NUDCD1: variants seen among roughly 807,000 people sequenced by gnomAD.
NUDCD1 encodes nudC domain-containing protein 1.
A neutral mutation model predicts 67.8 loss-of-function variants in NUDCD1; 60 were observed. The observed-to-expected ratio is 0.88, with a 90% CI of 0.72 to 1.10. NUDCD1 has a LOEUF of 1.10. NUDCD1 is among the 50% of genes least tolerant of loss of function. The pLI is 0.00. For missense variants in NUDCD1, 643 were observed against 695.0 expected (o/e 0.93, Z 0.84); for synonymous variants, 244 against 230.8 (o/e 1.06, Z -0.52).
At chr8:109,283,441 C>T (rs1014323269) in intron 5 of NUDCD1, among the ~76,000 whole-genome samples, 1 of 152,038 alleles carries the variant, frequency 6.6e-6, no homozygotes, top group African/African-American at 2.4e-5. Context: ...AAATCCAGAA[C>T]CCCTGAGAAA....
At chr8:109,268,283 A>G (rs1174229480) in intron 8 of NUDCD1, among the ~76,000 whole-genome samples, 4 of 152,052 alleles carry the variant, frequency 2.6e-5, no homozygotes, top group African/African-American at 4.8e-5. Flanking sequence ...ACTTTTTCCT[A>G]TAAGGAGCTA....
At chr8:109,285,132 A>G (rs1196409305) in intron 5 of NUDCD1, among the ~76,000 whole-genome samples, 3 of 152,160 alleles carry the variant, frequency 2.0e-5, no homozygotes, top group Non-Finnish European at 4.4e-5. Flanking sequence ...GAAACCTTGA[A>G]CAGACCAATA....
At chr8:109,279,297 T>C (rs1814373136) in intron 6 of NUDCD1, among the ~76,000 whole-genome samples, 1 of 152,184 alleles carries the variant, frequency 6.6e-6, no homozygotes, top group Non-Finnish European at 1.5e-5. Flanking sequence ...CTGTCAGTCT[T>C]CAAAGTTTTA....
intron 1 of NUDCD1, among the ~76,000 whole-genome samples, chr8:109,325,955 T>C (rs898204193): frequency 1.4e-4 from 22 of 152,252 alleles, no homozygotes; most frequent in African/African-American, 3.9e-4. Flanking sequence ...TTGATAGAGG[T>C]TGAGGAAACA....
chr8:109,293,422 CTAT>C lies in NUDCD1; in HGVS notation c.559_561del (p.Ile187del), dbSNP rs760564369. The C allele has an allele frequency of 1.3e-5, 21 of 1,588,866 alleles. No homozygotes were observed. The highest frequency in any genetic ancestry group is 1.8e-5 in the Non-Finnish European group (21 of 1,165,372). On this transcript the variant is annotated inframe_deletion, in exon 4 of 10. Transcript: ENST00000239690. ...CCTTTCATATCCAATTCCTCTTTCTCTATTCGAAGAAGTAGGGTAGCTATAGAA... is the reference window on the plus strand; with the variant it reads ...CCTTTCATATCCAATTCCTCTTTCTCTCGAAGAAGTAGGGTAGCTATAGAA...
At chr8:109,310,188 T>C (rs963105528) in intron 2 of NUDCD1, among the ~76,000 whole-genome samples, 18 of 152,038 alleles carry the variant, frequency 1.2e-4, no homozygotes, top group South Asian at 8.3e-4. Flanking sequence ...AGAACAAATA[T>C]GGAGGCATCA....
At chr8:109,329,837 G>A (rs1004350569) in intron 1 of NUDCD1, 1 of 1,550,658 alleles carries the variant, frequency 6.4e-7, no homozygotes, top group African/African-American at 1.4e-5. Flanking sequence ...ATAAAGCATT[G>A]AAAACGATGG....
chr8:109,312,661 G>C (rs757040417), intron 2 of NUDCD1, among the ~76,000 whole-genome samples: 7 of 152,192 alleles, frequency 4.6e-5, no homozygotes, highest in Non-Finnish European at 1.5e-5. Context: ...AAACAACCTA[G>C]TTGTTTATCA....
chr8:109,306,811 G>A (rs1013528441), intron 2 of NUDCD1, among the ~76,000 whole-genome samples: 3 of 151,978 alleles, frequency 2.0e-5, no homozygotes, highest in Non-Finnish European at 2.9e-5. Context: ...TACGACAAAT[G>A]CTCCTTCTAA....
chr8:109,256,386 ACATCT>A (rs1351049571), intron 8 of NUDCD1, among the ~76,000 whole-genome samples: 1 of 152,220 alleles, frequency 6.6e-6, no homozygotes, highest in Non-Finnish European at 1.5e-5. Flanking sequence ...ATATTAGAGT[ACATCT>A]CATACAATAA....
intron 8 of NUDCD1, among the ~76,000 whole-genome samples, chr8:109,246,859 T>C (rs925281897): frequency 2.0e-5 from 3 of 152,152 alleles, no homozygotes; most frequent in African/African-American, 7.2e-5. Context: ...CTGACCTGAA[T>C]TCAACAGGGA....
chr8:109,263,476 T>A (rs1257479634), intron 8 of NUDCD1, among the ~76,000 whole-genome samples: 2 of 152,232 alleles, frequency 1.3e-5, no homozygotes, highest in African/African-American at 4.8e-5. Context: ...ATGCTTATGC[T>A]GTTTACTGTG....
intron 2 of NUDCD1, among the ~76,000 whole-genome samples, chr8:109,305,175 G>A (rs1350492336): frequency 2.6e-5 from 4 of 152,060 alleles, no homozygotes; most frequent in Admixed American, 2.6e-4. Flanking sequence ...TCTCTGCCCC[G>A]GACTGGCAAA....
At chr8:109,321,512 CATTTT>C (rs1563685064) in intron 2 of NUDCD1, among the ~76,000 whole-genome samples, 1 of 150,508 alleles carries the variant, frequency 6.6e-6, no homozygotes, top group African/African-American at 2.5e-5. Context: ...GTTCTAAGGA[CATTTT>C]TTTTAAAAAG....
At chr8:109,295,711 A>G (rs1185388085) in intron 3 of NUDCD1, among the ~76,000 whole-genome samples, 1 of 152,162 alleles carries the variant, frequency 6.6e-6, no homozygotes, top group Non-Finnish European at 1.5e-5. Flanking sequence ...AGATTCAGAC[A>G]GTAGCAATAT....
At chr8:109,289,136 C>T (rs758399147) in intron 5 of NUDCD1, among the ~76,000 whole-genome samples, 77 of 151,866 alleles carry the variant, frequency 5.1e-4, no homozygotes, top group Non-Finnish European at 9.1e-4. Flanking sequence ...CCACCACATC[C>T]GGATTTTTTT....
At chr8:109,300,772 A>T (rs1478401037) in intron 2 of NUDCD1, among the ~76,000 whole-genome samples, 1 of 152,212 alleles carries the variant, frequency 6.6e-6, no homozygotes, top group African/African-American at 2.4e-5. Context: ...TCACTGCAAA[A>T]AAATCATCGC....
chr8:109,253,040 C>T (rs1352131415), intron 8 of NUDCD1, among the ~76,000 whole-genome samples: 1 of 152,164 alleles, frequency 6.6e-6, no homozygotes, highest in African/African-American at 2.4e-5. Flanking sequence ...TATAGGAACC[C>T]ACTTCCCTGG....
chr8:109,256,538 TC>T (rs1424881857), intron 8 of NUDCD1, among the ~76,000 whole-genome samples: 1 of 152,130 alleles, frequency 6.6e-6, no homozygotes, highest in African/African-American at 2.4e-5. Flanking sequence ...TGAAAATTAT[TC>T]TAAATGTAAC....
Sources: gnomAD v4.1 joint callset for allele counts (sites outside exome capture counted in the v4.1 genomes callset) on GRCh38, gnomAD v4.1.1 for gene constraint, MANE v1.5 for transcripts, NCBI Gene and HGNC (gene_info 2026-07-23, HGNC 2026-07-21) for gene names.